Variants in SRGAP3 observed in about 807,000 individuals in gnomAD.
SRGAP3 encodes the protein SLIT-ROBO Rho GTPase-activating protein 3.
A neutral mutation model predicts 121.1 loss-of-function variants in SRGAP3; 39 were observed. That is an observed-to-expected ratio of 0.32 (90% CI 0.25 to 0.42). The LOEUF is 0.42. Among genes scored for constraint, SRGAP3 ranks in the 10% least tolerant of loss-of-function variants. The probability of loss-of-function intolerance (pLI) is 1.00; values close to 1 mark genes in which losing one functional copy is unlikely to be tolerated. For missense variants in SRGAP3, 1,213 were observed against 1,470.6 expected (o/e 0.82, Z 2.86); for synonymous variants, 601 against 570.0 (o/e 1.05, Z -0.77).
chr3:9,101,658 GAC>G (rs1298238128), intron 3 of SRGAP3, among the ~76,000 whole-genome samples: 1 of 152,208 alleles, frequency 6.6e-6, no homozygotes, highest in East Asian at 1.9e-4. Flanking sequence ...GTTGCAGAAA[GAC>G]AGAGTTCTAG....
At chr3:9,302,598 G>A (rs1463311627) in intron 3 of SRGAP3, among the ~76,000 whole-genome samples, 1 of 152,150 alleles carries the variant, frequency 6.6e-6, no homozygotes, top group African/African-American at 2.4e-5. Flanking sequence ...CTGAGCCCAG[G>A]GACATACTCT....
intron 1 of SRGAP3, among the ~76,000 whole-genome samples, chr3:9,220,701 C>T (rs781198732): frequency 6.6e-6 from 1 of 152,176 alleles, no homozygotes; most frequent in Non-Finnish European, 1.5e-5. Flanking sequence ...TCTTTTGGAT[C>T]AAGGCATTTA....
intron 1 of SRGAP3, among the ~76,000 whole-genome samples, chr3:9,335,224 G>A (rs2125287680): frequency 6.6e-6 from 1 of 152,304 alleles, no homozygotes; most frequent in Admixed American, 6.5e-5. Flanking sequence ...GGGATAGCAG[G>A]GCCGCTAGTA....
chr3:9,331,469 C>A (rs1224059647), intron 1 of SRGAP3, among the ~76,000 whole-genome samples: 3 of 152,188 alleles, frequency 2.0e-5, no homozygotes, highest in Admixed American at 1.3e-4. Context: ...AGCTGGCTGG[C>A]TCAGATGGCA....
In SRGAP3 at chr3:9,178,981, T is replaced by C. The variant is rs1382833309; in HGVS notation, c.68-54064A>G. 3.9e-5 allele frequency among the ~76,000 whole-genome samples: 6 copies of C among 152,282 alleles called. No homozygotes were observed. The South Asian group carries it at 1.0e-3, about 26-fold the overall frequency. On this transcript the variant is annotated intron_variant, in intron 1 of 21. Coordinates refer to ENST00000383836, the MANE Select transcript of SRGAP3 (RefSeq NM_014850.4). ...ACAGCCCTCTGAGGCCCTGCCCATC[T>C]TACCTGACCCCATTCTCCCCCATGT...
intron 3 of SRGAP3, among the ~76,000 whole-genome samples, chr3:9,087,566 G>A (rs1217083187): frequency 6.6e-6 from 1 of 152,166 alleles, no homozygotes; most frequent in Non-Finnish European, 1.5e-5. Flanking sequence ...TAGCTTGCAT[G>A]AATGGCTGGA....
At chr3:8,991,365 G>A (rs890807461) in intron 20 of SRGAP3, among the ~76,000 whole-genome samples, 1 of 152,176 alleles carries the variant, frequency 6.6e-6, no homozygotes, top group African/African-American at 2.4e-5. Context: ...CCAGAAGAGG[G>A]CTCCTTCTGC....
intron 1 of SRGAP3, among the ~76,000 whole-genome samples, chr3:9,142,913 C>T (rs994243271): frequency 1.4e-5 from 2 of 144,160 alleles, no homozygotes; most frequent in Admixed American, 1.5e-4. Flanking sequence ...TCTCGGCTCA[C>T]TGCAGCCTTG....
chr3:9,324,813 T>C (rs878983868), intron 3 of SRGAP3, among the ~76,000 whole-genome samples: 1 of 151,588 alleles, frequency 6.6e-6, no homozygotes, highest in Non-Finnish European at 1.5e-5. Context: ...AAAAATTAAC[T>C]GGGCGAGGTG....
chr3:9,177,951 C>T (rs1257009261), intron 1 of SRGAP3, among the ~76,000 whole-genome samples: 1 of 152,170 alleles, frequency 6.6e-6, no homozygotes, highest in Admixed American at 6.5e-5. Context: ...TGCTTTCCTT[C>T]TGCAGGTTGA....
intron 1 of SRGAP3, among the ~76,000 whole-genome samples, chr3:9,350,355 T>G (rs959919171): frequency 7.9e-5 from 12 of 152,006 alleles, no homozygotes; most frequent in Non-Finnish European, 1.6e-4. Context: ...AGAAAAGAGA[T>G]AGGAAAGGCA....
At chr3:9,188,677 T>C (rs1267156764) in intron 1 of SRGAP3, among the ~76,000 whole-genome samples, 2 of 152,236 alleles carry the variant, frequency 1.3e-5, no homozygotes, top group Non-Finnish European at 2.9e-5. Context: ...TGCCTCTCTT[T>C]GGTGCCATAT....
chr3:9,242,306 G>A (rs1307577245), intron 1 of SRGAP3, among the ~76,000 whole-genome samples: 2 of 152,116 alleles, frequency 1.3e-5, no homozygotes, highest in Non-Finnish European at 2.9e-5. Context: ...ATGGTGTTTT[G>A]TTATAGCAGC....
At chr3:9,223,394 T>C (rs1461940665) in intron 1 of SRGAP3, among the ~76,000 whole-genome samples, 1 of 152,198 alleles carries the variant, frequency 6.6e-6, no homozygotes, top group Non-Finnish European at 1.5e-5. Context: ...ATGAATTAAA[T>C]AGATTTTTCT....
At chr3:9,152,716 T>C (rs755953304) in intron 1 of SRGAP3, among the ~76,000 whole-genome samples, 5 of 152,190 alleles carry the variant, frequency 3.3e-5, no homozygotes, top group Non-Finnish European at 5.9e-5. Context: ...GTCTCTGTGA[T>C]GGGCCACCAG....
chr3:9,249,011 A>C lies in SRGAP3; in HGVS notation c.-60T>G. 6.5e-7 allele frequency: 1 copy of C among 1,544,878 alleles called. No homozygotes were observed. Among genetic ancestry groups the C allele is most frequent in the South Asian group, 1.1e-5 (1 of 89,468 alleles). On this transcript the variant is annotated 5_prime_UTR_variant, in exon 1 of 22. Transcript: ENST00000383836. The stretch of plus-strand genomic sequence containing the variant: ...TGATTTATTTCTCCTTTTCTTTTCG[A>C]GTCCTCTCTCAAGCCCTGGTAATCA...
At chr3:9,088,934 C>G (rs937604671) in intron 3 of SRGAP3, among the ~76,000 whole-genome samples, 1 of 152,096 alleles carries the variant, frequency 6.6e-6, no homozygotes, top group Non-Finnish European at 1.5e-5. Flanking sequence ...CCAGCCATGT[C>G]CTCCGTACAG....
rs114694556 is a variant in SRGAP3, at chr3:9,177,147, C to A, written c.68-52230G>T. 5.1e-3 allele frequency among the ~76,000 whole-genome samples: 784 copies of A among 152,292 alleles called. 3 individuals are homozygous for A. Among genetic ancestry groups the A allele is most frequent in the African/African-American group, 0.018 (751 of 41,554 alleles). On this transcript the variant is annotated intron_variant, in intron 1 of 21. Transcript: ENST00000383836. ...GTGTTCAAGGGCACACATTCACTCACCAACTACTGGGCACCAGCTATGTGC... is the reference window on the plus strand; with the variant it reads ...GTGTTCAAGGGCACACATTCACTCAACAACTACTGGGCACCAGCTATGTGC...
Position 9,124,977 on chromosome 3 carries a change from C to T in SRGAP3, c.68-60G>A, listed in dbSNP as rs1039784392. ...TGGTGGGGACGGGGGCACTGGGGCC[C>T]GCTCTGCTGCTGGCCTGGGCCCTGC... On this transcript the variant is annotated intron_variant, in intron 1 of 21. Transcript: ENST00000383836. 50 of 1,594,446 alleles carry T rather than the reference C, an allele frequency of 3.1e-5. No homozygotes were observed. The Middle Eastern group carries it at 6.5e-4, about 21-fold the overall frequency.
Sources: allele counts gnomAD v4.1 joint callset (sites outside exome capture counted in the v4.1 genomes callset), GRCh38; gene constraint gnomAD v4.1.1; transcripts MANE v1.5; gene names NCBI Gene and HGNC (gene_info 2026-07-23, HGNC 2026-07-21).